BLMH: variants seen among roughly 807,000 people sequenced by gnomAD.
BLMH encodes the protein bleomycin hydrolase, also known as BLM hydrolase.
Under a neutral mutation model 61.6 loss-of-function variants are expected in BLMH, and 32 were observed. The ratio of observed to expected loss-of-function variants is 0.52; its 90% CI spans 0.39 to 0.70. BLMH has a LOEUF of 0.70. BLMH is among the 30% of genes least tolerant of loss of function. BLMH has a pLI of 0.00. For synonymous variants in BLMH, 183 were observed against 193.8 expected (o/e 0.94, Z 0.46); for missense variants, 460 against 555.5 (o/e 0.83, Z 1.73).
In BLMH at chr17:30,291,767, C is replaced by G. The variant is rs2143066501; in HGVS notation, c.13+40G>C. The G allele has an allele frequency of 3.5e-6, 5 of 1,421,956 alleles. No individual in the cohort carries two copies. The East Asian group carries it at 1.3e-4, about 36-fold the overall frequency. 88.1% of individuals were successfully genotyped at this position (1,421,956 alleles called of 1,614,324 possible). A position where few individuals can be genotyped will look rare whatever the true frequency, so the allele number is the denominator to read the frequency against. ...GCCGGGCCTCACGGGGACCGCGGAG[C>G]TCCTCCAGAGGACCGCGGCGGGGGA... On this transcript the variant is annotated intron_variant, in intron 1 of 11. Coordinates refer to ENST00000261714, the MANE Select transcript of BLMH (RefSeq NM_000386.4).
chr17:30,257,638 C>T (rs1567831693), intron 11 of BLMH, among the ~76,000 whole-genome samples: 1 of 152,130 alleles, frequency 6.6e-6, no homozygotes, highest in Non-Finnish European at 1.5e-5. Flanking sequence ...AAAAAATACA[C>T]ACATATATAC....
chr17:30,262,056 A>T (rs1202884678), intron 11 of BLMH, among the ~76,000 whole-genome samples: 11 of 152,242 alleles, frequency 7.2e-5, no homozygotes, highest in Non-Finnish European at 1.5e-4. Context: ...TGGAAAACTC[A>T]TCTTGGTTCA....
chr17:30,263,676 C>A (rs1391819317), intron 11 of BLMH, among the ~76,000 whole-genome samples: 1 of 152,152 alleles, frequency 6.6e-6, no homozygotes, highest in African/African-American at 2.4e-5. Context: ...TTGGAATAGT[C>A]AGGTTATGTG....
At chr17:30,278,561 A>G (rs1435784687) in intron 6 of BLMH, among the ~76,000 whole-genome samples, 3 of 152,178 alleles carry the variant, frequency 2.0e-5, no homozygotes, top group African/African-American at 4.8e-5. Flanking sequence ...TAGAACATCA[A>G]CTACACAAAG....
chr17:30,288,916 G>A (rs1039987527), intron 3 of BLMH, among the ~76,000 whole-genome samples: 4 of 152,102 alleles, frequency 2.6e-5, no homozygotes, highest in African/African-American at 7.2e-5. Context: ...ACAGTGAGCC[G>A]AGACTGTGCC....
intron 7 of BLMH, 79 bp downstream of exon 7, chr17:30,273,963 C>T: frequency 1.9e-6 from 3 of 1,546,648 alleles, no homozygotes; most frequent in Non-Finnish European, 8.8e-7. Context: ...ACATGCTAAC[C>T]AAGAATCTTA....
intron 9 of BLMH, 118 bp downstream of exon 9, chr17:30,272,443 C>G (rs1374585672): frequency 1.8e-6 from 2 of 1,099,252 alleles, no homozygotes; most frequent in South Asian, 2.6e-5. Flanking sequence ...GAAAGAGACG[C>G]GCCCTTAGGT....
intron 7 of BLMH, chr17:30,273,369 G>T (rs1405912309): frequency 6.2e-6 from 1 of 160,600 alleles, no homozygotes; most frequent in Non-Finnish European, 1.4e-5. Flanking sequence ...GTTTCACCAT[G>T]TTGGCCAGGC....
intron 6 of BLMH, among the ~76,000 whole-genome samples, chr17:30,281,983 AT>A (rs1041438201): frequency 6.6e-6 from 1 of 152,182 alleles, no homozygotes; most frequent in Non-Finnish European, 1.5e-5. Context: ...CTGCTATAGA[AT>A]TTCCTAAGTC....
At position 30,291,936 on chromosome 17, in the gene BLMH, C is replaced by A. The variant is rs1597670518; in HGVS notation, c.-117G>T. The A allele has an allele frequency of 1.7e-6, 2 of 1,169,244 alleles. No homozygotes were observed. The allele number at this position is 1,169,244 out of a possible 1,614,324, so 72.4% of individuals were successfully genotyped here. The stretch of plus-strand genomic sequence containing the variant: ...GACCTGTCTCTCGCACCCGGAGCGC[C>A]GGAAAAAGGAAACCGGCTCGGCGGC... On this transcript the variant is annotated 5_prime_UTR_variant, in exon 1 of 12. Transcript: ENST00000261714.
intron 6 of BLMH, among the ~76,000 whole-genome samples, chr17:30,280,390 G>C (rs1244069809): frequency 6.6e-6 from 1 of 152,192 alleles, no homozygotes; most frequent in Non-Finnish European, 1.5e-5. Context: ...TTTTGAGAAA[G>C]TAGTACAGTA....
In BLMH at chr17:30,249,525, G is replaced by A. The variant is rs1907616371; in HGVS notation, c.1217-357C>T. 1.7e-5 allele frequency: 3 copies of A among 174,238 alleles called. No homozygotes were observed. The South Asian group carries it at 4.4e-4, about 26-fold the overall frequency. 10.8% of individuals were successfully genotyped at this position (174,238 alleles called of 1,614,324 possible). Reference sequence around the variant, plus strand: ...TGAGTGATGACCTGTATACTAGTAGGGAGGCAGAAAAACTTCTCATTCATA... The same window carrying A: ...TGAGTGATGACCTGTATACTAGTAGAGAGGCAGAAAAACTTCTCATTCATA... On this transcript the variant is annotated intron_variant, in intron 11 of 11. Transcript: ENST00000261714.
intron 11 of BLMH, chr17:30,249,838 T>C (rs77768379): frequency 0.045 from 6,797 of 152,460 alleles, 227 homozygotes; most frequent in Non-Finnish European, 0.068. Flanking sequence ...AGACATCTGC[T>C]TAACCTGCTC....
At chr17:30,256,918 TA>T in intron 11 of BLMH, among the ~76,000 whole-genome samples, 1 of 152,326 alleles carries the variant, frequency 6.6e-6, no homozygotes, top group South Asian at 2.1e-4. Flanking sequence ...AAGCATGACC[TA>T]ATACCTCCTT....
At chr17:30,291,610 G>T (rs1597670303) in intron 1 of BLMH, 102 bp from the exon 2 acceptor site, 3 of 1,462,562 alleles carry the variant, frequency 2.1e-6, no homozygotes, top group Non-Finnish European at 1.9e-6. Flanking sequence ...ATCCTGGGGT[G>T]CCCGCTGCAG....
intron 6 of BLMH, among the ~76,000 whole-genome samples, chr17:30,274,481 CA>C (rs1474361700): frequency 6.6e-6 from 1 of 152,138 alleles, no homozygotes; most frequent in Non-Finnish European, 1.5e-5. Flanking sequence ...CTTCCTTAGC[CA>C]AGAATCTGTC....
intron 10 of BLMH, among the ~76,000 whole-genome samples, chr17:30,270,600 G>A (rs1908242751): frequency 6.6e-6 from 1 of 152,028 alleles, no homozygotes; most frequent in Non-Finnish European, 1.5e-5. Context: ...TTTTGCTTGT[G>A]GTGGTAAAGA....
intron 7 of BLMH, 185 bp downstream of exon 7, chr17:30,273,857 C>G (rs1317773301): frequency 2.6e-5 from 18 of 689,344 alleles, no homozygotes; most frequent in Non-Finnish European, 3.8e-5. Context: ...TGTGGAAAAG[C>G]TGATAAATCC....
intron 2 of BLMH, among the ~76,000 whole-genome samples, chr17:30,290,575 G>A (rs540029328): frequency 6.6e-6 from 1 of 152,328 alleles, no homozygotes; most frequent in South Asian, 2.1e-4. Context: ...GCACTGATGT[G>A]CTTCCTGTCC....
Sources: gnomAD v4.1 joint callset for allele counts (sites outside exome capture counted in the v4.1 genomes callset) on GRCh38, gnomAD v4.1.1 for gene constraint, MANE v1.5 for transcripts, NCBI Gene and HGNC (gene_info 2026-07-23, HGNC 2026-07-21) for gene names.